Variants in MAP6 observed in about 807,000 individuals in gnomAD.
MAP6 encodes the protein microtubule-associated protein 6.
MAP6 carries 26 observed loss-of-function variants against 42.4 expected under a neutral mutation model. That is an observed-to-expected ratio of 0.61 (90% CI 0.45 to 0.85). The LOEUF (loss-of-function observed/expected upper bound fraction) is 0.85. MAP6 is among the 40% of genes least tolerant of loss of function. The pLI is 0.00. For missense variants in MAP6, 966 were observed against 1,099.0 expected (o/e 0.88, Z 1.71); for synonymous variants, 418 against 443.8 (o/e 0.94, Z 0.73).
At chr11:75,653,789 C>T (rs1247202494) in intron 1 of MAP6, among the ~76,000 whole-genome samples, 1 of 152,162 alleles carries the variant, frequency 6.6e-6, no homozygotes, top group African/African-American at 2.4e-5. Flanking sequence ...TTGACCTGAG[C>T]ATTTAATGGT....
chr11:75,650,526 C>A (rs997299355), intron 1 of MAP6, among the ~76,000 whole-genome samples: 9 of 152,126 alleles, frequency 5.9e-5, no homozygotes, highest in African/African-American at 2.2e-4. Flanking sequence ...TGGCTGTAAT[C>A]CAAGAACATA....
chr11:75,620,724 T>G (rs1048060850), intron 1 of MAP6, among the ~76,000 whole-genome samples: 1 of 152,170 alleles, frequency 6.6e-6, no homozygotes, highest in Non-Finnish European at 1.5e-5. Context: ...CAAAGTAAAG[T>G]TTATCCCAGG....
chr11:75,668,067 C>A lies in MAP6; in HGVS notation c.303G>T (p.Arg101=). 2 of 1,225,186 alleles carry A rather than the reference C, an allele frequency of 1.6e-6. No homozygotes were observed. The highest frequency in any genetic ancestry group is 2.0e-6 in the Non-Finnish European group (2 of 986,400). The allele number at this position is 1,225,186 out of a possible 1,614,324, so 75.9% of individuals were successfully genotyped here. ...AGCCCAGGCCCGGGCCCGGCCCGCT[C>A]CGGCCGGGGCCCGCCGCCGGCTCGC... The part of the protein sequence containing the change: ...GEREPAAGPG[R]SGPGPGLGSG... Residue 101 remains arginine, a synonymous_variant, in exon 1 of 4, where the codon CGG becomes CGT. Transcript: ENST00000304771.
rs1468870255 is a variant in MAP6, at chr11:75,605,890, T to C, written c.1234A>G (p.Ser412Gly). The C allele has an allele frequency of 7.4e-6, 12 of 1,614,196 alleles. No homozygotes were observed. Among genetic ancestry groups the C allele is most frequent in the Non-Finnish European group, 9.3e-6 (11 of 1,180,038 alleles). Residue 412 changes from serine to glycine, a missense_variant, in exon 3 of 4, where the codon AGC becomes GGC. By Grantham distance (56) the Ser-to-Gly change is moderately conservative. Coordinates refer to ENST00000304771, the MANE Select transcript of MAP6 (RefSeq NM_033063.2). ...AVSGQAAKKK[S>G]AEGPSTTKPD... ...TTGGTGGTACTCGGGCCCTCCGCGC[T>C]CTTTTTCTTGGCAGCCTGGCCTGAC...
At chr11:75,639,833 TGATC>T (rs1162267936) in intron 1 of MAP6, among the ~76,000 whole-genome samples, 1 of 152,140 alleles carries the variant, frequency 6.6e-6, no homozygotes, top group Non-Finnish European at 1.5e-5. Flanking sequence ...TTGTCTAAAG[TGATC>T]CTCCTGGGCA....
intron 1 of MAP6, among the ~76,000 whole-genome samples, chr11:75,664,016 T>A (rs1943901509): frequency 1.3e-5 from 2 of 152,214 alleles, no homozygotes; most frequent in East Asian, 1.9e-4. Flanking sequence ...ACCCCTATTA[T>A]CTGATGGCCA....
chr11:75,664,540 C>T (rs1431204952), intron 1 of MAP6, among the ~76,000 whole-genome samples: 1 of 152,170 alleles, frequency 6.6e-6, no homozygotes, highest in Non-Finnish European at 1.5e-5. Flanking sequence ...AACCAGTCAC[C>T]ATGGTGTGAA....
At chr11:75,643,380 A>G (rs567471523) in intron 1 of MAP6, among the ~76,000 whole-genome samples, 1 of 152,114 alleles carries the variant, frequency 6.6e-6, no homozygotes, top group Non-Finnish European at 1.5e-5. Context: ...CTTGATTTAC[A>G]TATTTGTTTC....
intron 1 of MAP6, among the ~76,000 whole-genome samples, chr11:75,666,690 T>C (rs1156576665): frequency 6.6e-6 from 1 of 152,228 alleles, no homozygotes; most frequent in African/African-American, 2.4e-5. Flanking sequence ...CTGCCTGGCA[T>C]ATAGTAGGCA....
intron 1 of MAP6, among the ~76,000 whole-genome samples, chr11:75,666,286 G>A (rs1322676742): frequency 2.6e-5 from 4 of 152,312 alleles, no homozygotes; most frequent in African/African-American, 9.6e-5. Flanking sequence ...CATAAGGGGA[G>A]AATTGAAAGC....
chr11:75,631,630 G>A (rs973357546), intron 1 of MAP6, among the ~76,000 whole-genome samples: 2 of 152,198 alleles, frequency 1.3e-5, no homozygotes, highest in Non-Finnish European at 2.9e-5. Flanking sequence ...TCAAAGGCTG[G>A]TGATGAGATG....
chr11:75,620,133 A>T (rs1328699628), intron 1 of MAP6, among the ~76,000 whole-genome samples: 1 of 152,196 alleles, frequency 6.6e-6, no homozygotes, highest in Non-Finnish European at 1.5e-5. Context: ...ATCAAACATT[A>T]AGGAAAAAAT....
chr11:75,646,666 G>A (rs1433997604), intron 1 of MAP6, among the ~76,000 whole-genome samples: 4 of 152,032 alleles, frequency 2.6e-5, no homozygotes, highest in South Asian at 4.2e-4. Context: ...TGGGTGTGGT[G>A]GCACACGCCT....
rs183333928 is a variant in MAP6 at position 75,657,063 on chromosome 11, C to G, written c.905+10402G>C. 3.3e-3 allele frequency among the ~76,000 whole-genome samples: 500 copies of G among 151,770 alleles called. 5 individuals are homozygous for G. The highest frequency in any genetic ancestry group is 0.027 in the South Asian group (131 of 4,800). ...CAGTAAATATACTTGTATCTGGGAT[C>G]AATTTTCTCATCCACTAGGAAGCTT... On this transcript the variant is annotated intron_variant, in intron 1 of 3. Coordinates refer to ENST00000304771, the MANE Select transcript of MAP6 (RefSeq NM_033063.2).
At chr11:75,623,832 T>C (rs746687372) in intron 1 of MAP6, among the ~76,000 whole-genome samples, 11 of 152,206 alleles carry the variant, frequency 7.2e-5, no homozygotes, top group Non-Finnish European at 1.0e-4. Context: ...ATGATGAAAG[T>C]GGCATGAAAT....
At chr11:75,641,389 C>G (rs1231357200) in intron 1 of MAP6, among the ~76,000 whole-genome samples, 1 of 150,178 alleles carries the variant, frequency 6.7e-6, no homozygotes, top group Non-Finnish European at 1.5e-5. Flanking sequence ...TATTAAATGA[C>G]GAGTTAATGG....
At chr11:75,610,145 G>A (rs573715763) in intron 1 of MAP6, among the ~76,000 whole-genome samples, 2 of 152,142 alleles carry the variant, frequency 1.3e-5, no homozygotes, top group Non-Finnish European at 2.9e-5. Context: ...CACCAGATAC[G>A]TCTCCTTGGC....
intron 1 of MAP6, among the ~76,000 whole-genome samples, chr11:75,615,476 G>C: frequency 6.8e-6 from 1 of 146,210 alleles, no homozygotes; most frequent in East Asian, 2.3e-4. Flanking sequence ...AAAAATTATT[G>C]CATTTCTTCT....
At chr11:75,635,220 C>T (rs938981049) in intron 1 of MAP6, among the ~76,000 whole-genome samples, 3 of 152,130 alleles carry the variant, frequency 2.0e-5, no homozygotes, top group South Asian at 2.1e-4. Context: ...TAAACAGAGC[C>T]GGCCTGAAGT....
Sources: gnomAD v4.1 joint callset for allele counts (sites outside exome capture counted in the v4.1 genomes callset) on GRCh38, gnomAD v4.1.1 for gene constraint, MANE v1.5 for transcripts, NCBI Gene and HGNC (gene_info 2026-07-23, HGNC 2026-07-21) for gene names.